The following SNX5 variants were observed in gnomAD, a reference collection of about 807,000 sequenced individuals.
The protein encoded by SNX5 is sorting nexin 5.
A neutral mutation model predicts 53.9 loss-of-function variants in SNX5; 31 were observed. That is an observed-to-expected ratio of 0.58 (90% CI 0.43 to 0.78). The LOEUF (loss-of-function observed/expected upper bound fraction) is 0.78. SNX5 is among the 30% of genes least tolerant of loss of function. The pLI is 0.00. For missense variants in SNX5, 471 were observed against 478.8 expected (o/e 0.98, Z 0.15); for synonymous variants, 168 against 171.1 (o/e 0.98, Z 0.14).
chr20:17,950,285 A>G lies in SNX5; in HGVS notation c.715+6T>C, dbSNP rs749222582. On this transcript the variant is annotated splice_donor_region_variant and intron_variant, in intron 7 of 12. Transcript: ENST00000377759. ...AAAGCTCTGACTAGCGGTAAATGAT[A>G]TTTACTTTTATGAGATCTGGTCATT... 2 of 1,610,888 alleles carry G rather than the reference A, an allele frequency of 1.2e-6. No individual in the cohort carries two copies. The highest frequency in any genetic ancestry group is 2.7e-5 in the African/African-American group (2 of 74,822).
chr20:17,962,069 G>A, intron 1 of SNX5: 1 of 797,766 alleles, frequency 1.3e-6, no homozygotes, highest in Non-Finnish European at 1.5e-6. Flanking sequence ...GCTCCGAATT[G>A]TTACTATTCT....
At chr20:17,947,679 T>A (rs1480178135) in intron 10 of SNX5, 34 bp from the exon 11 acceptor site, 1 of 1,557,432 alleles carries the variant, frequency 6.4e-7, no homozygotes, top group East Asian at 2.3e-5. Flanking sequence ...ACATACTAAG[T>A]ATCTAAACCA....
Position 17,968,762 on chromosome 20 carries a change from G to C in SNX5, c.-337C>G, listed in dbSNP as rs928860076. The C allele has an allele frequency of 1.1e-5, 4 of 358,342 alleles. No individual in the cohort carries two copies. The highest frequency in any genetic ancestry group is 9.7e-5 in the Admixed American group (2 of 20,676). The allele number at this position is 358,342 out of a possible 1,614,324, so 22.2% of individuals were successfully genotyped here. Reference sequence around the variant, plus strand: ...GCCGCGACACGGACGGGAAGCAACGGACACTCTCCCAGCAAGACGCGTCTA... The same window carrying C: ...GCCGCGACACGGACGGGAAGCAACGCACACTCTCCCAGCAAGACGCGTCTA... On this transcript the variant is annotated 5_prime_UTR_variant, in exon 1 of 13. Coordinates refer to ENST00000377759, the MANE Select transcript of SNX5 (RefSeq NM_014426.4).
In SNX5 at chr20:17,943,152, C is replaced by A. The variant is rs772822159; in HGVS notation, c.1122G>T (p.Lys374Asn). Residue 374 changes from lysine (K) to asparagine (N), a missense_variant, in exon 12 of 13, where the codon AAG (lysine) becomes AAT (asparagine). Transcript: ENST00000377759. ...CCAGTTCAGACATTTCAATTAGATTCTTTCTAAATGCTGCCACTCTCTTCC... is the reference window on the plus strand; with the variant it reads ...CCAGTTCAGACATTTCAATTAGATTATTTCTAAATGCTGCCACTCTCTTCC... ...FKRKRVAAFR[K>N]NLIEMSELEI... The A allele has an allele frequency of 2.5e-6, 4 of 1,611,132 alleles. No homozygotes were observed. Among genetic ancestry groups the A allele is most frequent in the Non-Finnish European group, 3.4e-6 (4 of 1,177,388 alleles).
rs748135408 is a variant in SNX5 at position 17,968,623 on chromosome 20, G to A, written c.-198C>T. The A allele has an allele frequency of 8.2e-5, 51 of 624,880 alleles. No individual in the cohort carries two copies. The highest frequency in any genetic ancestry group is 7.6e-4 in the South Asian group (47 of 61,556). 38.7% of individuals were successfully genotyped at this position (624,880 alleles called of 1,614,324 possible). On this transcript the variant is annotated 5_prime_UTR_variant, in exon 1 of 13. In the 5' UTR this introduces an upstream ATG that the reference lacks. Coordinates refer to ENST00000377759, the MANE Select transcript of SNX5 (RefSeq NM_014426.4). ...CGGGAGCAGGCGAGCAGGGCGCCACGTGCTCCCCCAGAGCAGCCTCCCAGT... is the reference window on the plus strand; with the variant it reads ...CGGGAGCAGGCGAGCAGGGCGCCACATGCTCCCCCAGAGCAGCCTCCCAGT...
chr20:17,954,717 T>G (rs1248472251), intron 3 of SNX5, among the ~76,000 whole-genome samples: 2 of 152,124 alleles, frequency 1.3e-5, no homozygotes, highest in East Asian at 1.9e-4. Context: ...TGAGCACTTT[T>G]TTTGTTTTTG....
intron 1 of SNX5, among the ~76,000 whole-genome samples, chr20:17,966,090 T>G (rs1260001965): frequency 6.6e-6 from 1 of 152,096 alleles, no homozygotes; most frequent in East Asian, 1.9e-4. Context: ...CCAAAGTCCC[T>G]GTAACCAAGC....
chr20:17,968,390 C>T lies in SNX5; in HGVS notation c.36G>A (p.Glu12=), dbSNP rs748861582. ...AGGACCTCACCTTGCTGCGGTCCTCCTCCTGCTGCTGCAGCAACTCGGGAA... is the reference window on the plus strand; with the variant it reads ...AGGACCTCACCTTGCTGCGGTCCTCTTCCTGCTGCTGCAGCAACTCGGGAA... The part of the protein sequence containing the change: ...AAVPELLQQQ[E]EDRSKLRSVS... Residue 12 remains glutamate (E), a synonymous_variant, in exon 1 of 13, where the codon GAG becomes GAA. Coordinates refer to ENST00000377759, the MANE Select transcript of SNX5 (RefSeq NM_014426.4). 8.4e-5 allele frequency: 108 copies of T among 1,286,094 alleles called. No individual in the cohort carries two copies. The Middle Eastern group carries it at 1.2e-3, about 14-fold the overall frequency. 79.7% of individuals were successfully genotyped at this position (1,286,094 alleles called of 1,614,324 possible).
At chr20:17,960,241 A>C (rs1392814722) in intron 1 of SNX5, among the ~76,000 whole-genome samples, 1 of 152,162 alleles carries the variant, frequency 6.6e-6, no homozygotes, top group East Asian at 1.9e-4. Flanking sequence ...TAGGCAGATC[A>C]CTTGAGGTCA....
At chr20:17,951,952 A>G (rs553223960) in intron 5 of SNX5, among the ~76,000 whole-genome samples, 12 of 152,354 alleles carry the variant, frequency 7.9e-5, no homozygotes, top group East Asian at 1.9e-4. Flanking sequence ...GGCCGGGCGC[A>G]GTGGCTCACG....
intron 1 of SNX5, among the ~76,000 whole-genome samples, chr20:17,958,730 T>A (rs767662003): frequency 1.3e-5 from 2 of 152,240 alleles, no homozygotes; most frequent in Non-Finnish European, 2.9e-5. Flanking sequence ...GGTCTGCGAC[T>A]TCATTTGATC....
intron 11 of SNX5, 115 bp downstream of exon 11, chr20:17,947,371 A>ACCACC: frequency 9.1e-7 from 1 of 1,098,950 alleles, no homozygotes; most frequent in African/African-American, 1.6e-5. Flanking sequence ...CAGAGGGGTG[A>ACCACC]AGTGCTGACA....
chr20:17,963,979 G>T (rs1325662924), intron 1 of SNX5, among the ~76,000 whole-genome samples: 1 of 152,168 alleles, frequency 6.6e-6, no homozygotes, highest in Non-Finnish European at 1.5e-5. Flanking sequence ...CAGACCAGGG[G>T]CCCATTCAGG....
In SNX5 at chr20:17,942,049, G is replaced by A. The variant is rs970032481; in HGVS notation, c.*308C>T. On this transcript the variant is annotated 3_prime_UTR_variant, in exon 13 of 13. Transcript: ENST00000377759. ...ATGGGCCAGGTGATGGCTTCTACTT[G>A]TTTCCAGAAGGCTAATGTGTCCTAC... 1 of 235,564 alleles carries A rather than the reference G, an allele frequency of 4.2e-6. No homozygotes were observed. Among genetic ancestry groups the A allele is most frequent in the East Asian group, 1.1e-4 (1 of 8,714 alleles). 14.6% of individuals were successfully genotyped at this position (235,564 alleles called of 1,614,324 possible). A position where few individuals can be genotyped will look rare whatever the true frequency, so the allele number is the denominator to read the frequency against.
At chr20:17,966,125 T>A (rs1332615072) in intron 1 of SNX5, among the ~76,000 whole-genome samples, 1 of 152,108 alleles carries the variant, frequency 6.6e-6, no homozygotes, top group Non-Finnish European at 1.5e-5. Context: ...AAGTTGTTAC[T>A]GTCAAGGAAG....
chr20:17,956,508 C>G (rs1390329123), intron 2 of SNX5, among the ~76,000 whole-genome samples: 1 of 152,048 alleles, frequency 6.6e-6, no homozygotes, highest in African/African-American at 2.4e-5. Context: ...GCACGTGCAT[C>G]ACCTGAGGTC....
At chr20:17,959,964 T>C (rs896053568) in intron 1 of SNX5, among the ~76,000 whole-genome samples, 1 of 152,106 alleles carries the variant, frequency 6.6e-6, no homozygotes, top group Non-Finnish European at 1.5e-5. Context: ...TGGCCAACAC[T>C]TGAGTCTCTG....
chr20:17,946,024 A>T (rs1278504833), intron 11 of SNX5, among the ~76,000 whole-genome samples: 1 of 152,220 alleles, frequency 6.6e-6, no homozygotes, highest in African/African-American at 2.4e-5. Context: ...ATTTGCTCTG[A>T]CATGTTCCAT....
At chr20:17,949,917 G>GT (rs1311211442) in intron 8 of SNX5, among the ~76,000 whole-genome samples, 1 of 152,186 alleles carries the variant, frequency 6.6e-6, no homozygotes, top group South Asian at 2.1e-4. Flanking sequence ...AACATTTACT[G>GT]TATTTGTTTA....
Sources: allele counts gnomAD v4.1 joint callset (sites outside exome capture counted in the v4.1 genomes callset), GRCh38; gene constraint gnomAD v4.1.1; transcripts MANE v1.5; gene names NCBI Gene and HGNC (gene_info 2026-07-23, HGNC 2026-07-21).